BCAS3: variants seen among roughly 807,000 people sequenced by gnomAD.
The protein encoded by BCAS3 is BCAS4/BCAS3 fusion.
Under a neutral mutation model 116.1 loss-of-function variants are expected in BCAS3, and 53 were observed. That is an observed-to-expected ratio of 0.46 (90% CI 0.37 to 0.57). The LOEUF is 0.57. Among genes scored for constraint, BCAS3 ranks in the 20% least tolerant of loss-of-function variants. The probability of loss-of-function intolerance (pLI) is 0.00; values close to 1 mark genes in which losing one functional copy is unlikely to be tolerated. For missense variants in BCAS3, 917 were observed against 1,165.4 expected, an observed-to-expected ratio of 0.79 and a Z score of 3.10; for synonymous variants, 391 against 408.2, an observed-to-expected ratio of 0.96 and a Z score of 0.51.
intron 9 of BCAS3, among the ~76,000 whole-genome samples, chr17:60,878,312 T>C (rs116673678): frequency 6.6e-6 from 1 of 152,266 alleles, no homozygotes; most frequent in African/African-American, 2.4e-5. Flanking sequence ...GCCCGGCCAG[T>C]AATGTCTTTG....
rs1340643283 is a variant in BCAS3 at position 61,104,810 on chromosome 17, A to G, written c.2425+20246A>G. 6.6e-6 allele frequency among the ~76,000 whole-genome samples: 1 copy of G among 152,226 alleles called. No individual in the cohort carries two copies. The highest frequency in any genetic ancestry group is 1.5e-5 in the Non-Finnish European group (1 of 68,046). On this transcript the variant is annotated intron_variant, in intron 22 of 23. Transcript: ENST00000407086. This position sits in a 1 kb window ranked among gnomAD's most constrained non-coding sequence, Gnocchi z 4.1. The stretch of plus-strand genomic sequence containing the variant: ...GCAGAGTAACTTTGCCCAGCCCTGG[A>G]GCAGAACATTCTTAAAAGTAAGCCC...
At chr17:60,688,520 A>G (rs1471343498) in intron 3 of BCAS3, among the ~76,000 whole-genome samples, 2 of 151,964 alleles carry the variant, frequency 1.3e-5, no homozygotes, top group Non-Finnish European at 2.9e-5. Flanking sequence ...GTTTTTTAAA[A>G]AAGGTATGTT....
At chr17:60,692,242 A>T (rs1287775147) in intron 4 of BCAS3, among the ~76,000 whole-genome samples, 1 of 151,954 alleles carries the variant, frequency 6.6e-6, no homozygotes, top group Non-Finnish European at 1.5e-5. Context: ...TTTTATTGAT[A>T]TATTTATTTA....
intron 19 of BCAS3, among the ~76,000 whole-genome samples, chr17:61,057,357 C>G (rs1343100751): frequency 6.6e-6 from 1 of 152,118 alleles, no homozygotes; most frequent in Admixed American, 6.5e-5. Flanking sequence ...CCCAGATAAC[C>G]TTACAGATTT....
In BCAS3 at chr17:60,697,011, AC is replaced by A. The variant is rs1433178421; in HGVS notation, c.214+7254del. Among the ~76,000 whole-genome samples the A allele has an allele frequency of 4.0e-5, 6 of 151,654 alleles. No homozygotes were observed. The East Asian group carries it at 1.2e-3, about 29-fold the overall frequency. The stretch of plus-strand genomic sequence containing the variant: ...AGACCAGCCTGGGCAACATGGCAAA[AC>A]CCCATCTCTACAAAAAAATATTAAA... On this transcript the variant is annotated intron_variant, in intron 4 of 23. Coordinates refer to ENST00000407086, the MANE Select transcript of BCAS3 (RefSeq NM_017679.5).
chr17:61,100,281 G>A (rs1156479459), intron 22 of BCAS3, among the ~76,000 whole-genome samples: 1 of 152,084 alleles, frequency 6.6e-6, no homozygotes, highest in East Asian at 1.9e-4. Flanking sequence ...CGAACCCTAT[G>A]ATCTTCTATT....
At position 61,051,246 on chromosome 17, in the gene BCAS3, C is replaced by G. The variant is rs975832828; in HGVS notation, c.2029+10354C>G. ...CATTTATATAACATTCTCAAAATGA[C>G]AAAATTATAGAGATAGATAATAGAT... On this transcript the variant is annotated intron_variant, in intron 19 of 23. Coordinates refer to ENST00000407086, the MANE Select transcript of BCAS3 (RefSeq NM_017679.5). The surrounding 1 kb of genome is among the most constrained non-coding windows in gnomAD (Gnocchi z 4.1). Among the ~76,000 whole-genome samples the G allele has an allele frequency of 6.6e-6, 1 of 151,836 alleles. No individual in the cohort carries two copies.
intron 14 of BCAS3, among the ~76,000 whole-genome samples, chr17:60,955,147 C>T (rs2061051876): frequency 6.6e-6 from 1 of 152,014 alleles, no homozygotes; most frequent in Non-Finnish European, 1.5e-5. Flanking sequence ...TATGCATAGG[C>T]CTTCCACTAA....
At position 61,381,709 on chromosome 17, in the gene BCAS3, C is replaced by T. The variant is rs1396958824; in HGVS notation, c.2594-10268C>T. On this transcript the variant is annotated intron_variant, in intron 23 of 23. Coordinates refer to ENST00000407086, the MANE Select transcript of BCAS3 (RefSeq NM_017679.5). This position sits in a 1 kb window ranked among gnomAD's most constrained non-coding sequence, Gnocchi z 6.0. Reference sequence around the variant, plus strand: ...TGACATTGGGATTGGTTGGTTCACACCAACTTGCGTGTGTGTGCCTGTCCC... The same window carrying T: ...TGACATTGGGATTGGTTGGTTCACATCAACTTGCGTGTGTGTGCCTGTCCC... Among the ~76,000 whole-genome samples, 4 of 152,158 alleles carry T rather than the reference C, an allele frequency of 2.6e-5. No individual in the cohort carries two copies. Among genetic ancestry groups the T allele is most frequent in the African/African-American group, 9.7e-5 (4 of 41,422 alleles).
chr17:60,805,140 A>G (rs1025114441), intron 6 of BCAS3, among the ~76,000 whole-genome samples: 4 of 151,974 alleles, frequency 2.6e-5, no homozygotes, highest in Non-Finnish European at 4.4e-5. Flanking sequence ...GTATATAAAT[A>G]TATGTAGTTA....
chr17:60,703,165 C>T (rs1478491278), intron 4 of BCAS3, among the ~76,000 whole-genome samples: 1 of 152,080 alleles, frequency 6.6e-6, no homozygotes, highest in African/African-American at 2.4e-5. Context: ...ATCCCAGCTA[C>T]TTGGGAGGCT....
At position 60,692,477 on chromosome 17, in the gene BCAS3, C is replaced by T. The variant is rs1039107956; in HGVS notation, c.214+2716C>T. Reference sequence around the variant, plus strand: ...CAGGATGGTCTCGATCTCCTGACCTCGTGATCCGCCCGTCTTGGCCTCCCA... The same window carrying T: ...CAGGATGGTCTCGATCTCCTGACCTTGTGATCCGCCCGTCTTGGCCTCCCA... On this transcript the variant is annotated intron_variant, in intron 4 of 23. Coordinates refer to ENST00000407086, the MANE Select transcript of BCAS3 (RefSeq NM_017679.5). Among the ~76,000 whole-genome samples the T allele has an allele frequency of 2.6e-5, 4 of 152,198 alleles. No individual in the cohort carries two copies. The East Asian group carries it at 5.8e-4, about 22-fold the overall frequency.
rs180728175 is a variant in BCAS3 at position 61,191,514 on chromosome 17, G to A, written c.2425+106950G>A. 1.6e-3 allele frequency among the ~76,000 whole-genome samples: 251 copies of A among 152,218 alleles called. 1 individual carries two copies. The highest frequency in any genetic ancestry group is 5.8e-3 in the African/African-American group (242 of 41,544). ...CTTAAGGCCAGGCGCGGTGGCTCAC[G>A]CCTGTAATCCCAGTGCTTTGGGAGT... On this transcript the variant is annotated intron_variant, in intron 22 of 23. Coordinates refer to ENST00000407086, the MANE Select transcript of BCAS3 (RefSeq NM_017679.5).
At chr17:60,919,346 C>T (rs867126308) in intron 12 of BCAS3, among the ~76,000 whole-genome samples, 9 of 151,734 alleles carry the variant, frequency 5.9e-5, no homozygotes, top group Admixed American at 2.0e-4. Context: ...TTTCTTGAGA[C>T]GAAGTCTCGG....
chr17:60,923,539 A>T (rs1567877256), intron 12 of BCAS3, among the ~76,000 whole-genome samples: 1 of 152,186 alleles, frequency 6.6e-6, no homozygotes, highest in African/African-American at 2.4e-5. Flanking sequence ...TTGACTCTTA[A>T]CATGCATTTT....
At chr17:60,835,871 A>G (rs1024800328) in intron 7 of BCAS3, among the ~76,000 whole-genome samples, 5 of 152,278 alleles carry the variant, frequency 3.3e-5, no homozygotes, top group Non-Finnish European at 2.9e-5. Flanking sequence ...CAAAAGGTAG[A>G]ATGTCAAACA....
chr17:60,713,822 A>G lies in BCAS3; in HGVS notation c.321+4497A>G, dbSNP rs192053929. 4.6e-5 allele frequency among the ~76,000 whole-genome samples: 7 copies of G among 152,152 alleles called. No homozygotes were observed. In the East Asian group the frequency reaches 1.4e-3, roughly 29 times the overall value. On this transcript the variant is annotated intron_variant, in intron 5 of 23. Coordinates refer to ENST00000407086, the MANE Select transcript of BCAS3 (RefSeq NM_017679.5). ...GATGCTGATGGACAATTGCATTTGC[A>G]TTTGCTTTTTTTGTTTGTTGTTTGT...
At position 61,128,719 on chromosome 17, in the gene BCAS3, C is replaced by T; in HGVS notation, c.2425+44155C>T. On this transcript the variant is annotated intron_variant, in intron 22 of 23. Coordinates refer to ENST00000407086, the MANE Select transcript of BCAS3 (RefSeq NM_017679.5). The surrounding 1 kb of genome is among the most constrained non-coding windows in gnomAD (Gnocchi z 4.1). The stretch of plus-strand genomic sequence containing the variant: ...CAGCATATTGGCAGTCGTCTCACAA[C>T]ATGATTTTGCATTTACATCATCGTG... The T allele has an allele frequency of 3.4e-6, 2 of 581,972 alleles. No individual in the cohort carries two copies. Among genetic ancestry groups the T allele is most frequent in the Non-Finnish European group, 4.3e-6 (2 of 461,774 alleles). The allele number at this position is 581,972 out of a possible 1,614,324, so 36.1% of individuals were successfully genotyped here.
At chr17:60,865,852 G>C (rs1324301938) in intron 7 of BCAS3, among the ~76,000 whole-genome samples, 2 of 152,168 alleles carry the variant, frequency 1.3e-5, no homozygotes, top group African/African-American at 2.4e-5. Flanking sequence ...TATGGGGAAG[G>C]TGTTTATTCT....
Sources: gnomAD v4.1 joint callset for allele counts (sites outside exome capture counted in the v4.1 genomes callset) on GRCh38, gnomAD v4.1.1 for gene constraint, Gnocchi (gnomAD v3.1) non-coding constraint, MANE v1.5 for transcripts, NCBI Gene and HGNC (gene_info 2026-07-23, HGNC 2026-07-21) for gene names.